Variants in MID1 observed in about 807,000 individuals in gnomAD.
The protein encoded by MID1 is E3 ubiquitin-protein ligase Midline-1.
Under a neutral mutation model 40.4 loss-of-function variants are expected in MID1, and 7 were observed. That is an observed-to-expected ratio of 0.17 (90% CI 0.10 to 0.33). The LOEUF (loss-of-function observed/expected upper bound fraction) is 0.33. Among genes scored for constraint, MID1 ranks in the 10% least tolerant of loss-of-function variants. The pLI, the probability that MID1 is intolerant of heterozygous loss-of-function variation, is 1.00. For synonymous variants in MID1, 229 were observed against 221.2 expected (o/e 1.04, Z -0.31); for missense variants, 367 against 558.5 (o/e 0.66, Z 3.46).
At chrX:10,486,990 C>T (rs1470207429) in intron 4 of MID1, among the ~76,000 whole-genome samples, 1 of 111,873 alleles carries the variant, frequency 8.9e-6, no homozygotes, top group East Asian at 2.8e-4. Flanking sequence ...GCTGAGATCA[C>T]AGGCACATGC....
At chrX:10,693,369 T>C (rs1179964592) in intron 1 of MID1, among the ~76,000 whole-genome samples, 2 of 108,173 alleles carry the variant, frequency 1.8e-5, no homozygotes, top group Non-Finnish European at 1.9e-5. Context: ...TAATTTTTTT[T>C]TTTTTGGAGA....
At chrX:10,628,914 A>T (rs983063195) in intron 1 of MID1, among the ~76,000 whole-genome samples, 2 of 111,720 alleles carry the variant, frequency 1.8e-5, no homozygotes, top group African/African-American at 6.5e-5. Flanking sequence ...GGGACATCGG[A>T]ATCCATCTCT....
At chrX:10,660,909 C>T (rs1007736031) in intron 1 of MID1, among the ~76,000 whole-genome samples, 1 of 111,763 alleles carries the variant, frequency 8.9e-6, no homozygotes, top group South Asian at 3.7e-4. Context: ...GAAAGCGACA[C>T]AGAGTTTTTA....
chrX:10,732,504 C>CAT (rs1699246361), intron 1 of MID1, among the ~76,000 whole-genome samples: 1 of 111,836 alleles, frequency 8.9e-6, no homozygotes, highest in Non-Finnish European at 1.9e-5. Context: ...TAAATGGAGG[C>CAT]ATATACCATG....
intron 7 of MID1, chrX:10,469,455 G>T: frequency 2.8e-6 from 3 of 1,087,702 alleles, no homozygotes; most frequent in East Asian, 3.3e-5. Flanking sequence ...TTTGTTTCTG[G>T]CTTCTTTCCC....
intron 9 of MID1, among the ~76,000 whole-genome samples, chrX:10,453,397 C>T (rs978503639): frequency 1.8e-5 from 2 of 111,905 alleles, no homozygotes; most frequent in South Asian, 3.7e-4. Flanking sequence ...TTATACTCAC[C>T]ATCTTCAGGC....
At chrX:10,750,930 A>G (rs989216003) in intron 1 of MID1, among the ~76,000 whole-genome samples, 9 of 111,623 alleles carry the variant, frequency 8.1e-5, no homozygotes, top group African/African-American at 2.9e-4. Context: ...TCAGTATCAC[A>G]ATAGTGCTTG....
chrX:10,593,977 G>C (rs1336946371), intron 1 of MID1, among the ~76,000 whole-genome samples: 1 of 111,353 alleles, frequency 9.0e-6, no homozygotes, highest in African/African-American at 3.3e-5. Flanking sequence ...CAGGAGATCT[G>C]CCATCTCTCA....
chrX:10,715,490 GC>G (rs2043296203), intron 1 of MID1, among the ~76,000 whole-genome samples: 1 of 111,974 alleles, frequency 8.9e-6, no homozygotes, highest in Non-Finnish European at 1.9e-5. Context: ...TGGCAGCGAG[GC>G]TGGGGGAGGG....
At chrX:10,785,137 T>G (rs374494675) in intron 1 of MID1, among the ~76,000 whole-genome samples, 2 of 111,607 alleles carry the variant, frequency 1.8e-5, no homozygotes, top group Non-Finnish European at 3.8e-5. Context: ...ACAAAATCAA[T>G]GTGCAAAACC....
upstream of MID1, chrX:10,620,644 G>GGGGT (rs1243258582): frequency 8.9e-6 from 1 of 112,060 alleles, no homozygotes; most frequent in Non-Finnish European, 1.9e-5. Context: ...CAGAAGCAAG[G>GGGGT]GGGTGGGTCC....
intron 1 of MID1, among the ~76,000 whole-genome samples, chrX:10,640,204 A>C (rs1251942576): frequency 1.7e-4 from 19 of 112,250 alleles, no homozygotes; most frequent in African/African-American, 5.8e-4. Flanking sequence ...TGCTCCAATT[A>C]AAAGACACAG....
intron 1 of MID1, among the ~76,000 whole-genome samples, chrX:10,713,264 C>A (rs1461760622): frequency 9.0e-6 from 1 of 111,516 alleles, no homozygotes; most frequent in East Asian, 2.8e-4. Flanking sequence ...AATTCAAAAC[C>A]ACTGCTTTAG....
chrX:10,700,690 T>C (rs1265332519), intron 1 of MID1, among the ~76,000 whole-genome samples: 2 of 112,490 alleles, frequency 1.8e-5, no homozygotes, highest in African/African-American at 6.5e-5. Flanking sequence ...AGGAAGCAGC[T>C]TTAAGACATC....
intron 1 of MID1, among the ~76,000 whole-genome samples, chrX:10,814,092 A>T (rs913209461): frequency 2.7e-5 from 3 of 111,477 alleles, no homozygotes; most frequent in Admixed American, 9.6e-5. Flanking sequence ...TCCTTCTAAA[A>T]TTTTTTTCAA....
At chrX:10,704,806 C>A (rs923356845) in intron 1 of MID1, among the ~76,000 whole-genome samples, 3 of 99,347 alleles carry the variant, frequency 3.0e-5, no homozygotes, top group African/African-American at 1.1e-4. Context: ...GCTCTGTCAC[C>A]CAGGCTGGAG....
chrX:10,642,298 T>C (rs966587469), intron 1 of MID1, among the ~76,000 whole-genome samples: 3 of 111,336 alleles, frequency 2.7e-5, no homozygotes, highest in African/African-American at 9.9e-5. Context: ...CTCCTTAAGC[T>C]GATAAGCAAC....
chrX:10,468,317 C>A (rs1231288635), intron 7 of MID1, among the ~76,000 whole-genome samples: 2 of 111,382 alleles, frequency 1.8e-5, no homozygotes, highest in African/African-American at 3.3e-5. Flanking sequence ...ATACTTTAGT[C>A]CCTTAGAACT....
Position 10,449,143 on chromosome X carries a change from A to G in MID1, c.*225T>C, listed in dbSNP as rs1928168725. On this transcript the variant is annotated 3_prime_UTR_variant, in exon 10 of 10. Coordinates refer to ENST00000317552, the MANE Select transcript of MID1 (RefSeq NM_000381.4). ...TGTTTCTCTTATAAATAATCTATAG[A>G]TTTTCCTCTAAATACAAAAAAATTA... 2.8e-6 allele frequency: 1 copy of G among 358,182 alleles called. No individual in the cohort carries two copies. The highest frequency in any genetic ancestry group is 4.8e-6 in the Non-Finnish European group (1 of 207,820). The allele number at this position is 358,182 out of a possible 1,213,427, so 29.5% of individuals were successfully genotyped here.
Sources: allele counts gnomAD v4.1 joint callset (sites outside exome capture counted in the v4.1 genomes callset), GRCh38; gene constraint gnomAD v4.1.1; transcripts MANE v1.5; gene names NCBI Gene and HGNC (gene_info 2026-07-23, HGNC 2026-07-21).